The following DCDC1 variants were observed in gnomAD, a reference collection of about 807,000 sequenced individuals.
The protein encoded by DCDC1 is doublecortin domain containing 1.
Under a neutral mutation model 178.3 loss-of-function variants are expected in DCDC1, and 200 were observed. That is an observed-to-expected ratio of 1.12 (90% CI 1.00 to 1.26). DCDC1 has a LOEUF of 1.26. DCDC1 is among the 50% of genes most tolerant of loss of function. The probability of loss-of-function intolerance (pLI) is 0.00; values close to 1 mark genes in which losing one functional copy is unlikely to be tolerated. For synonymous variants in DCDC1, 690 were observed against 604.8 expected, an observed-to-expected ratio of 1.14 and a Z score of -2.07; for missense variants, 1,983 against 1,749.2, an observed-to-expected ratio of 1.13 and a Z score of -2.38.
At chr11:31,211,574 T>G (rs773866110) in intron 9 of DCDC1, among the ~76,000 whole-genome samples, 2 of 152,220 alleles carry the variant, frequency 1.3e-5, no homozygotes, top group African/African-American at 4.8e-5. Context: ...CAGACATGCC[T>G]AGATACTTTG....
chr11:30,998,946 C>A (rs1291000652), intron 20 of DCDC1, among the ~76,000 whole-genome samples: 1 of 152,162 alleles, frequency 6.6e-6, no homozygotes, highest in Non-Finnish European at 1.5e-5. Context: ...TGATATCATG[C>A]ACCCCCTGAT....
intron 20 of DCDC1, among the ~76,000 whole-genome samples, chr11:30,970,676 A>T (rs1051003690): frequency 2.6e-5 from 4 of 151,948 alleles, no homozygotes; most frequent in Non-Finnish European, 5.9e-5. Flanking sequence ...TAAAGTGTAC[A>T]CTCCCCAGCT....
At chr11:31,300,093 C>T (rs748952079) in intron 6 of DCDC1, among the ~76,000 whole-genome samples, 4 of 151,924 alleles carry the variant, frequency 2.6e-5, no homozygotes, top group African/African-American at 7.3e-5. Flanking sequence ...CTTGACCTCA[C>T]GATTTGCTTG....
At chr11:31,102,452 C>T (rs1040173865) in intron 14 of DCDC1, among the ~76,000 whole-genome samples, 170 bp from the exon 15 acceptor site, 2 of 152,136 alleles carry the variant, frequency 1.3e-5, no homozygotes, top group Admixed American at 6.5e-5. Flanking sequence ...GGGAATAAAG[C>T]TGTTATTTAA....
intron 20 of DCDC1, among the ~76,000 whole-genome samples, chr11:30,985,146 A>G (rs1293584298): frequency 6.6e-6 from 1 of 152,200 alleles, no homozygotes. Context: ...AGTCTTCAGT[A>G]CAGGAAACAA....
intron 20 of DCDC1, among the ~76,000 whole-genome samples, chr11:31,047,033 A>G (rs947608295): frequency 4.6e-5 from 7 of 152,072 alleles, no homozygotes; most frequent in Non-Finnish European, 8.8e-5. Context: ...ACACACAGCC[A>G]TCCATTCTTT....
chr11:30,905,068 G>T lies in DCDC1; in HGVS notation c.4201C>A (p.His1401Asn). The T allele has an allele frequency of 1.2e-6, 2 of 1,613,816 alleles. No individual in the cohort carries two copies. Among genetic ancestry groups the T allele is most frequent in the Non-Finnish European group, 1.7e-6 (2 of 1,179,778 alleles). Residue 1401 changes from histidine (H) to asparagine (N), a missense_variant, in exon 31 of 39, where the codon CAC (histidine) becomes AAC (asparagine). Physicochemically the swap from His to Asn is moderately conservative, Grantham distance 68. Coordinates refer to ENST00000684477, the MANE Select transcript of DCDC1 (RefSeq NM_001387274.1). ...TGGTGTGTGGCTGCCATGCCACTGT[G>T]AGATGCAGCTTGCGTGCAGGTCTTC... is the stretch of plus-strand genomic sequence containing the variant. The part of the protein sequence containing the change: ...RMKTCTQAAS[H>N]SGMAATHQKA...
intron 6 of DCDC1, among the ~76,000 whole-genome samples, chr11:31,292,984 T>C (rs1039550895): frequency 6.6e-6 from 1 of 152,190 alleles, no homozygotes; most frequent in African/African-American, 2.4e-5. Context: ...AAACTACGTT[T>C]GAACCCTAGC....
At position 30,923,718 on chromosome 11, in the gene DCDC1, G is replaced by A. The variant is rs544264727; in HGVS notation, c.2998-1080C>T. 4.7e-3 allele frequency among the ~76,000 whole-genome samples: 716 copies of A among 151,870 alleles called. 1 individual carries two copies. The highest frequency in any genetic ancestry group is 8.1e-3 in the Non-Finnish European group (551 of 67,944). On this transcript the variant is annotated intron_variant, in intron 23 of 38. Coordinates refer to ENST00000684477, the MANE Select transcript of DCDC1 (RefSeq NM_001387274.1). ...ACTGCAACCTCTGCCTCCAGGGCTC[G>A]TGATTCTCGTGCCTCAGCCTCCTGA...
In DCDC1 at chr11:30,878,726, A is replaced by G; in HGVS notation, c.5234-15T>C. On this transcript the variant is annotated splice_polypyrimidine_tract_variant and intron_variant, in intron 37 of 38. Transcript: ENST00000684477. Reference sequence around the variant, plus strand: ...TTGTTTTAACTCTGTTAAAAAAAAAAAAAAAAGAAGTTGAGAGACAAGTCA... The same window carrying G: ...TTGTTTTAACTCTGTTAAAAAAAAAGAAAAAAGAAGTTGAGAGACAAGTCA... 1 of 1,561,736 alleles carries G rather than the reference A, an allele frequency of 6.4e-7. No homozygotes were observed. The highest frequency in any genetic ancestry group is 8.6e-7 in the Non-Finnish European group (1 of 1,163,334).
chr11:31,010,213 C>T (rs940857441), intron 20 of DCDC1, among the ~76,000 whole-genome samples: 1 of 152,228 alleles, frequency 6.6e-6, no homozygotes, highest in Non-Finnish European at 1.5e-5. Flanking sequence ...AGTGTGAAGT[C>T]CAGGCACAGC....
At chr11:31,183,688 G>A (rs974759594) in intron 9 of DCDC1, among the ~76,000 whole-genome samples, 1 of 152,068 alleles carries the variant, frequency 6.6e-6, no homozygotes, top group African/African-American at 2.4e-5. Context: ...TTGCTACAAA[G>A]AGAATAAAAT....
chr11:31,169,468 A>T (rs1263851841), intron 9 of DCDC1, among the ~76,000 whole-genome samples: 1 of 152,222 alleles, frequency 6.6e-6, no homozygotes, highest in Non-Finnish European at 1.5e-5. Flanking sequence ...TGGCAGTTCA[A>T]ATAAAATGAA....
intron 21 of DCDC1, chr11:30,944,134 C>T (rs917264499): frequency 6.1e-6 from 2 of 326,736 alleles, no homozygotes; most frequent in African/African-American, 2.2e-5. Flanking sequence ...ACTAAATAAA[C>T]TGGCTCAATG....
At chr11:31,286,110 G>A (rs191728986) in intron 7 of DCDC1, among the ~76,000 whole-genome samples, 17 of 152,228 alleles carry the variant, frequency 1.1e-4, no homozygotes, top group Admixed American at 7.2e-4. Flanking sequence ...TCAAACTTTA[G>A]AGTGGCTGGG....
intron 9 of DCDC1, among the ~76,000 whole-genome samples, chr11:31,182,744 A>G (rs1430589557): frequency 6.6e-6 from 1 of 152,222 alleles, no homozygotes; most frequent in Non-Finnish European, 1.5e-5. Context: ...AAATTCACAC[A>G]TAAGAATATT....
At chr11:31,012,610 A>C (rs1321890182) in intron 20 of DCDC1, among the ~76,000 whole-genome samples, 2 of 150,810 alleles carry the variant, frequency 1.3e-5, no homozygotes, top group African/African-American at 4.9e-5. Context: ...GTCTCAACAA[A>C]AAAAAAAAAA....
chr11:30,984,726 G>GT (rs1416352310), intron 20 of DCDC1, among the ~76,000 whole-genome samples: 1 of 152,186 alleles, frequency 6.6e-6, no homozygotes, highest in Non-Finnish European at 1.5e-5. Flanking sequence ...GCACAGAGCT[G>GT]TTTTTTGAAA....
rs528026118 is a variant in DCDC1, at chr11:30,894,378, C to A, written c.4772G>T (p.Arg1591Leu). 6.2e-7 allele frequency: 1 copy of A among 1,611,754 alleles called. No homozygotes were observed. Among genetic ancestry groups the A allele is most frequent in the East Asian group, 2.2e-5 (1 of 44,870 alleles). Reference sequence around the variant, plus strand: ...GGTGGCTGGCTGACATGCCGCTACTCGCCGCCCTGAGGAAACAAGTCTCTA... The same window carrying A: ...GGTGGCTGGCTGACATGCCGCTACTAGCCGCCCTGAGGAAACAAGTCTCTA... ...RHKMRQLKGR[R>L]VAACQPATMV... The change falls in exon 35 of 39, where the codon CGA (arginine) becomes CTA (leucine). Residue 1591 changes from arginine to leucine, a missense_variant. By Grantham distance (102) the Arg-to-Leu change is moderately radical. Transcript: ENST00000684477.
Sources: allele counts gnomAD v4.1 joint callset (sites outside exome capture counted in the v4.1 genomes callset), GRCh38; gene constraint gnomAD v4.1.1; transcripts MANE v1.5; gene names NCBI Gene and HGNC (gene_info 2026-07-23, HGNC 2026-07-21).